KCNMB2: variants seen among roughly 807,000 people sequenced by gnomAD.
KCNMB2 encodes the protein potassium calcium-activated channel subfamily M regulatory beta subunit 2.
Under a neutral mutation model 24.5 loss-of-function variants are expected in KCNMB2, and 9 were observed. The ratio of observed to expected loss-of-function variants is 0.37; its 90% CI spans 0.22 to 0.64. The LOEUF is 0.64. Ranked by LOEUF, KCNMB2 falls within the 30% of genes least tolerant of loss-of-function variation. KCNMB2 has a pLI of 0.63. For synonymous variants in KCNMB2, 109 were observed against 104.4 expected, an observed-to-expected ratio of 1.04 and a Z score of -0.27; for missense variants, 226 against 284.3, an observed-to-expected ratio of 0.79 and a Z score of 1.47.
At chr3:178,619,428 G>A (rs1718830862) in intron 1 of KCNMB2, among the ~76,000 whole-genome samples, 1 of 152,068 alleles carries the variant, frequency 6.6e-6, no homozygotes, top group Admixed American at 6.5e-5. Flanking sequence ...GTAAAAGATG[G>A]CTGCAACATG....
At chr3:178,628,558 T>C (rs1719199823) in intron 1 of KCNMB2, among the ~76,000 whole-genome samples, 1 of 152,172 alleles carries the variant, frequency 6.6e-6, no homozygotes. Context: ...TCTAAAACTA[T>C]ACAGAAAATG....
chr3:178,761,753 T>C (rs1361373506), intron 1 of KCNMB2, among the ~76,000 whole-genome samples: 1 of 151,936 alleles, frequency 6.6e-6, no homozygotes, highest in Non-Finnish European at 1.5e-5. Flanking sequence ...AGAAAAGCTA[T>C]AAAAAAAATA....
At position 178,714,303 on chromosome 3, in the gene KCNMB2, T is replaced by C. The variant is rs577778265; in HGVS notation, c.-67-93040T>C. ...CTATGCTAGACATAAGCTACACTTC[T>C]TGCTCTGGAGGCATTCACTGGGGAG... On this transcript the variant is annotated intron_variant, in intron 1 of 4. Coordinates refer to ENST00000452583, the MANE Select transcript of KCNMB2 (RefSeq NM_181361.3). Among the ~76,000 whole-genome samples, 101 of 152,326 alleles carry C rather than the reference T, an allele frequency of 6.6e-4. 1 individual carries two copies. Among genetic ancestry groups the C allele is most frequent in the African/African-American group, 2.2e-3 (93 of 41,582 alleles).
At chr3:178,827,325 G>A (rs1714873366) in intron 3 of KCNMB2, among the ~76,000 whole-genome samples, 1 of 152,164 alleles carries the variant, frequency 6.6e-6, no homozygotes. Context: ...CCATTAGTCT[G>A]CATAAAAGGG....
chr3:178,825,029 T>C (rs6809208), intron 2 of KCNMB2, among the ~76,000 whole-genome samples: 69,131 of 152,096 alleles, frequency 0.45, 18,431 homozygotes, highest in African/African-American at 0.75. Context: ...ATCTTCACAC[T>C]GCTTATCAAT....
At chr3:178,706,121 AC>A (rs1722270297) in intron 1 of KCNMB2, among the ~76,000 whole-genome samples, 1 of 152,088 alleles carries the variant, frequency 6.6e-6, no homozygotes, top group Admixed American at 6.6e-5. Context: ...TGCACTGACA[AC>A]CCACATTTCC....
intron 1 of KCNMB2, among the ~76,000 whole-genome samples, chr3:178,569,536 C>G (rs567642037): frequency 7.2e-5 from 11 of 152,290 alleles, no homozygotes; most frequent in Non-Finnish European, 1.3e-4. Flanking sequence ...TTGGTTGCTT[C>G]CCTCCTTGAG....
intron 1 of KCNMB2, among the ~76,000 whole-genome samples, chr3:178,632,251 T>C (rs907362852): frequency 2.6e-5 from 4 of 152,126 alleles, no homozygotes; most frequent in African/African-American, 4.8e-5. Flanking sequence ...GTGGCTTGAT[T>C]AAGGAAAAAT....
intron 1 of KCNMB2, among the ~76,000 whole-genome samples, chr3:178,610,983 T>C (rs896672701): frequency 6.6e-6 from 1 of 152,238 alleles, no homozygotes; most frequent in Non-Finnish European, 1.5e-5. Context: ...ATCAGGGTAA[T>C]ACTAGCCTCA....
At chr3:178,714,008 A>G (rs1038300276) in intron 1 of KCNMB2, among the ~76,000 whole-genome samples, 30 of 152,104 alleles carry the variant, frequency 2.0e-4, no homozygotes, top group African/African-American at 7.0e-4. Flanking sequence ...TATCTTCTTA[A>G]ACTCTCAAGT....
chr3:178,742,421 G>T (rs7618331), intron 1 of KCNMB2, among the ~76,000 whole-genome samples: 4,038 of 152,180 alleles, frequency 0.027, 186 homozygotes, highest in African/African-American at 0.092. Flanking sequence ...AATGACATTG[G>T]ATTTGCCTCA....
Position 178,555,838 on chromosome 3 carries a change from T to C in KCNMB2, c.-68+19127T>C, listed in dbSNP as rs573270984. Among the ~76,000 whole-genome samples, 6 of 152,342 alleles carry C rather than the reference T, an allele frequency of 3.9e-5. No individual in the cohort carries two copies. In the East Asian group the frequency reaches 1.2e-3, roughly 29 times the overall value. On this transcript the variant is annotated intron_variant, in intron 1 of 4. Transcript: ENST00000452583. The stretch of plus-strand genomic sequence containing the variant: ...AGAAAGTAGAATGTGCTCACTGTTA[T>C]ACTAGACTCACAAAGCACTTTGGGA...
intron 1 of KCNMB2, among the ~76,000 whole-genome samples, chr3:178,668,306 T>G (rs184016519): frequency 1.3e-5 from 2 of 151,988 alleles, no homozygotes; most frequent in Non-Finnish European, 2.9e-5. Context: ...CACAGAAGGG[T>G]CCACAATATT....
chr3:178,547,530 T>C (rs898241222), intron 1 of KCNMB2, among the ~76,000 whole-genome samples: 4 of 152,202 alleles, frequency 2.6e-5, no homozygotes, highest in African/African-American at 9.6e-5. Context: ...TCACTGCCTC[T>C]ATTTCATATA....
At chr3:178,730,407 C>CT (rs371463559) in intron 1 of KCNMB2, among the ~76,000 whole-genome samples, 1 of 138,690 alleles carries the variant, frequency 7.2e-6, no homozygotes, top group Non-Finnish European at 1.6e-5. Flanking sequence ...CCCCCAACAC[C>CT]CCCCCACACA....
At chr3:178,704,214 CCAAA>C (rs1359633050) in intron 1 of KCNMB2, among the ~76,000 whole-genome samples, 1 of 151,916 alleles carries the variant, frequency 6.6e-6, no homozygotes, top group Non-Finnish European at 1.5e-5. Flanking sequence ...AATCACACTC[CCAAA>C]CAAACATTTT....
intron 1 of KCNMB2, among the ~76,000 whole-genome samples, chr3:178,603,460 GAGAAATGGGCAAAGGAAGGAAGGA>G (rs72153386): frequency 0.24 from 35,746 of 151,600 alleles, 4,838 homozygotes; most frequent in East Asian, 0.42. Context: ...TGGGTCATTT[GAGAAATGGGCAAAGGAAGGAAGGA>G]AGAAATGGGC....
chr3:178,757,443 T>C (rs181169296), intron 1 of KCNMB2, among the ~76,000 whole-genome samples: 8 of 47,362 alleles, frequency 1.7e-4, no homozygotes, highest in East Asian at 9.8e-4. Flanking sequence ...TCCAAGAGGA[T>C]ATATATATAT....
At chr3:178,671,163 A>T (rs970715727) in intron 1 of KCNMB2, among the ~76,000 whole-genome samples, 1 of 147,102 alleles carries the variant, frequency 6.8e-6, no homozygotes, top group African/African-American at 2.5e-5. Flanking sequence ...AATTTGGTTG[A>T]TATTGGTTTG....
Sources: gnomAD v4.1 joint callset for allele counts (sites outside exome capture counted in the v4.1 genomes callset) on GRCh38, gnomAD v4.1.1 for gene constraint, MANE v1.5 for transcripts, NCBI Gene and HGNC (gene_info 2026-07-23, HGNC 2026-07-21) for gene names.